Variants in ADCY2 observed in about 807,000 individuals in gnomAD.
The protein encoded by ADCY2 is adenylate cyclase type 2.
Under a neutral mutation model 125.2 loss-of-function variants are expected in ADCY2, and 31 were observed. The ratio of observed to expected loss-of-function variants is 0.25; its 90% CI spans 0.19 to 0.33. The LOEUF is 0.33. Among genes scored for constraint, ADCY2 ranks in the 10% least tolerant of loss-of-function variants. The pLI is 1.00. For synonymous variants in ADCY2, 512 were observed against 548.4 expected (o/e 0.93, Z 0.93); for missense variants, 904 against 1,418.2 (o/e 0.64, Z 5.82).
At chr5:7,646,611 G>A (rs940763758) in intron 4 of ADCY2, among the ~76,000 whole-genome samples, 16 of 152,152 alleles carry the variant, frequency 1.1e-4, no homozygotes, top group South Asian at 6.2e-4. Flanking sequence ...ATTTTCTTCC[G>A]TCTATGTGCA....
intron 4 of ADCY2, among the ~76,000 whole-genome samples, chr5:7,642,985 T>A (rs1430375249): frequency 6.6e-6 from 1 of 152,012 alleles, no homozygotes; most frequent in Non-Finnish European, 1.5e-5. Flanking sequence ...GAACCATACC[T>A]ACTAACAAAA....
At chr5:7,491,356 A>G (rs1209015318) in intron 2 of ADCY2, among the ~76,000 whole-genome samples, 1 of 152,060 alleles carries the variant, frequency 6.6e-6, no homozygotes, top group Non-Finnish European at 1.5e-5. Flanking sequence ...ACTTCAAGCC[A>G]TTCTCCCTGC....
At chr5:7,432,677 G>C (rs1740647960) in intron 2 of ADCY2, among the ~76,000 whole-genome samples, 1 of 152,190 alleles carries the variant, frequency 6.6e-6, no homozygotes, top group African/African-American at 2.4e-5. Flanking sequence ...TTAACTATTA[G>C]GCAAATGCAA....
chr5:7,573,607 T>C (rs1356791979), intron 3 of ADCY2, among the ~76,000 whole-genome samples: 2 of 146,398 alleles, frequency 1.4e-5, no homozygotes, highest in African/African-American at 2.6e-5. Context: ...TTTTTTTTTT[T>C]TTTTTTTTTT....
chr5:7,496,905 T>C (rs571661410), intron 2 of ADCY2, among the ~76,000 whole-genome samples: 4 of 152,264 alleles, frequency 2.6e-5, no homozygotes, highest in African/African-American at 9.6e-5. Flanking sequence ...TAAGCAATGG[T>C]CAGAATTTCC....
intron 2 of ADCY2, among the ~76,000 whole-genome samples, chr5:7,447,990 C>T (rs1228229178): frequency 6.6e-6 from 1 of 152,192 alleles, no homozygotes; most frequent in Admixed American, 6.5e-5. Context: ...TCCACAGACA[C>T]GGTGACCAGA....
chr5:7,704,474 G>C (rs1331141997), intron 7 of ADCY2, among the ~76,000 whole-genome samples: 1 of 152,130 alleles, frequency 6.6e-6, no homozygotes, highest in Non-Finnish European at 1.5e-5. Context: ...TTTTATAAGG[G>C]ATTAAGCCTT....
rs75533750 is a variant in ADCY2 at position 7,804,801 on chromosome 5, A to C, written c.2883+109A>C. On this transcript the variant is annotated intron_variant, in intron 22 of 24. Coordinates refer to ENST00000338316, the MANE Select transcript of ADCY2 (RefSeq NM_020546.3). ...GCCCCAAGAACTGTATATTTTGTAC[A>C]ACCTAAAGCTCAGGGTCAAGGTCCT... The C allele has an allele frequency of 4.7e-3, 3,594 of 766,440 alleles. 86 individuals carry two copies. The African/African-American group carries it at 0.055, about 12-fold the overall frequency. The allele number at this position is 766,440 out of a possible 1,614,324, so 47.5% of individuals were successfully genotyped here.
intron 14 of ADCY2, among the ~76,000 whole-genome samples, chr5:7,727,966 T>A (rs1741980200): frequency 1.3e-5 from 2 of 152,118 alleles, no homozygotes; most frequent in Admixed American, 1.3e-4. Context: ...GAAAGCTAAT[T>A]CTCATTTTAT....
chr5:7,529,176 G>T (rs894072183), intron 3 of ADCY2, among the ~76,000 whole-genome samples: 2 of 152,154 alleles, frequency 1.3e-5, no homozygotes, highest in African/African-American at 4.8e-5. Flanking sequence ...ACAGAGCTGG[G>T]CTGATCCTAG....
Position 7,804,700 on chromosome 5 carries a change from G to T in ADCY2, c.2883+8G>T. 6.2e-7 allele frequency: 1 copy of T among 1,611,302 alleles called. No homozygotes were observed. Among genetic ancestry groups the T allele is most frequent in the Non-Finnish European group, 8.5e-7 (1 of 1,177,486 alleles). ...AGCCAGGAGCACTCCCAGGTAAGAC[G>T]CGTTGGCCACTTAACGGCACAGGTG... On this transcript the variant is annotated splice_region_variant and intron_variant, in intron 22 of 24. Coordinates refer to ENST00000338316, the MANE Select transcript of ADCY2 (RefSeq NM_020546.3).
At chr5:7,806,883 A>G (rs1744775865) in intron 22 of ADCY2, among the ~76,000 whole-genome samples, 1 of 152,192 alleles carries the variant, frequency 6.6e-6, no homozygotes, top group Admixed American at 6.5e-5. Flanking sequence ...TTTTAAAAAT[A>G]TTGCACTAGC....
intron 1 of ADCY2, among the ~76,000 whole-genome samples, chr5:7,411,560 C>G (rs1739718106): frequency 6.6e-6 from 1 of 152,036 alleles, no homozygotes; most frequent in African/African-American, 2.4e-5. Flanking sequence ...TTGCAGGACT[C>G]TAAGAGGGCT....
intron 1 of ADCY2, among the ~76,000 whole-genome samples, chr5:7,413,041 C>T (rs1452118497): frequency 1.3e-5 from 2 of 152,228 alleles, no homozygotes; most frequent in Admixed American, 6.5e-5. Context: ...GAAACGATGT[C>T]AGTTAAGAGG....
rs547467734 is a variant in ADCY2, at chr5:7,767,496, G to A, written c.2214+690G>A. On this transcript the variant is annotated intron_variant, in intron 17 of 24. Transcript: ENST00000338316. ...TGCAGATTATGCTCGTTTAGTTTCC[G>A]TGTCAAATAATGGGTTTTGACAATG... Among the ~76,000 whole-genome samples, 15 of 152,080 alleles carry A rather than the reference G, an allele frequency of 9.9e-5. No individual in the cohort carries two copies. The South Asian group carries it at 1.7e-3, about 17-fold the overall frequency.
At chr5:7,688,078 G>A (rs996620065) in intron 4 of ADCY2, among the ~76,000 whole-genome samples, 1 of 152,072 alleles carries the variant, frequency 6.6e-6, no homozygotes, top group African/African-American at 2.4e-5. Context: ...ATCCAGACCC[G>A]TAATTATTTA....
intron 3 of ADCY2, among the ~76,000 whole-genome samples, chr5:7,590,325 TAGA>T (rs1276766986): frequency 2.6e-5 from 4 of 152,232 alleles, no homozygotes; most frequent in African/African-American, 7.2e-5. Flanking sequence ...CAGATAATGA[TAGA>T]AGCTTTTCTT....
At chr5:7,693,606 A>G (rs1740790654) in intron 5 of ADCY2, among the ~76,000 whole-genome samples, 1 of 151,818 alleles carries the variant, frequency 6.6e-6, no homozygotes, top group Non-Finnish European at 1.5e-5. Context: ...AATTTTTAGT[A>G]GAGATGGGGG....
chr5:7,762,857 A>T (rs1169312652), intron 16 of ADCY2, among the ~76,000 whole-genome samples: 3 of 151,990 alleles, frequency 2.0e-5, no homozygotes, highest in Non-Finnish European at 4.4e-5. Flanking sequence ...AATAACAGTT[A>T]TTTGTGTTGG....
Sources: gnomAD v4.1 joint callset for allele counts (sites outside exome capture counted in the v4.1 genomes callset) on GRCh38, gnomAD v4.1.1 for gene constraint, MANE v1.5 for transcripts, NCBI Gene and HGNC (gene_info 2026-07-23, HGNC 2026-07-21) for gene names.